FAM13A: variants seen among roughly 807,000 people sequenced by gnomAD.
FAM13A encodes the protein family with sequence similarity 13 member A.
Under a neutral mutation model 129.6 loss-of-function variants are expected in FAM13A, and 76 were observed. The observed-to-expected ratio is 0.59, with a 90% CI of 0.49 to 0.71. FAM13A has a LOEUF of 0.71. Ranked by LOEUF, FAM13A falls within the 30% of genes least tolerant of loss-of-function variation. The pLI is 0.00. For missense variants in FAM13A, 1,108 were observed against 1,249.3 expected (o/e 0.89, Z 1.70); for synonymous variants, 443 against 449.9 (o/e 0.98, Z 0.20).
intron 1 of FAM13A, among the ~76,000 whole-genome samples, chr4:89,036,519 G>A (rs984257987): frequency 6.6e-6 from 1 of 152,164 alleles, no homozygotes; most frequent in African/African-American, 2.4e-5. Context: ...TAGAAAATTT[G>A]CAGCCTGATC....
At chr4:89,019,019 G>C (rs1284227687) in intron 3 of FAM13A, among the ~76,000 whole-genome samples, 1 of 152,214 alleles carries the variant, frequency 6.6e-6, no homozygotes, top group Non-Finnish European at 1.5e-5. Context: ...AGGGGCTGCA[G>C]AGAAGTGAGA....
In FAM13A at chr4:88,991,137, A is replaced by G; in HGVS notation, c.441T>C (p.Asp147=). 6.2e-7 allele frequency: 1 copy of G among 1,610,004 alleles called. No individual in the cohort carries two copies. The highest frequency in any genetic ancestry group is 8.5e-7 in the Non-Finnish European group (1 of 1,178,264). ...AGTCTCTTAAGCTACTCTCCTGAAC[A>G]TCATTTCTGCCATCTGGAAAAAAAA... is the stretch of plus-strand genomic sequence containing the variant. ...FIQLFQDGRN[D]VQESSLRDLI... is the part of the protein sequence containing the mutation. The change falls in exon 4 of 24, where the codon GAT becomes GAC. Residue 147 remains aspartate, a synonymous_variant. Transcript: ENST00000264344.
At position 89,015,152 on chromosome 4, in the gene FAM13A, G is replaced by A. The variant is rs541511559; in HGVS notation, c.427+5308C>T. Among the ~76,000 whole-genome samples the A allele has an allele frequency of 3.9e-5, 6 of 152,244 alleles. No individual in the cohort carries two copies. In the South Asian group the frequency reaches 1.2e-3, roughly 32 times the overall value. ...AGGACGAGGAAATTTTGGTCAGACT[G>A]GTTGTCTGCTCTCAAACCCTGTCTC... On this transcript the variant is annotated intron_variant, in intron 3 of 23. Transcript: ENST00000264344.
intron 13 of FAM13A, among the ~76,000 whole-genome samples, chr4:88,764,578 A>C (rs1003782764): frequency 2.6e-5 from 4 of 152,174 alleles, no homozygotes; most frequent in Non-Finnish European, 5.9e-5. Flanking sequence ...GAATCTAGAA[A>C]TTGCTAGTTT....
chr4:88,937,943 A>G, intron 5 of FAM13A, 145 bp downstream of exon 5: 1 of 610,986 alleles, frequency 1.6e-6, no homozygotes, highest in Non-Finnish European at 2.8e-6. Flanking sequence ...CATTTGGAAT[A>G]ATAGATTTCA....
At chr4:88,837,961 A>G (rs563887314) in intron 7 of FAM13A, among the ~76,000 whole-genome samples, 196 of 152,010 alleles carry the variant, frequency 1.3e-3, no homozygotes, top group African/African-American at 4.1e-3. Context: ...AATATTTGGG[A>G]AAAAAAATGC....
In FAM13A at chr4:88,800,259, C is replaced by T. The variant is rs190280702; in HGVS notation, c.1049+4752G>A. Among the ~76,000 whole-genome samples the T allele has an allele frequency of 3.9e-3, 600 of 152,294 alleles. 6 individuals carry two copies. Among genetic ancestry groups the T allele is most frequent in the African/African-American group, 0.014 (569 of 41,556 alleles). ...ACAGTTGTATAACAATGAGAATGTACTTAATGCCACTGAACTGTACATTTA... is the reference window on the plus strand; with the variant it reads ...ACAGTTGTATAACAATGAGAATGTATTTAATGCCACTGAACTGTACATTTA... On this transcript the variant is annotated intron_variant, in intron 8 of 23. Coordinates refer to ENST00000264344, the MANE Select transcript of FAM13A (RefSeq NM_014883.4).
In FAM13A at chr4:88,767,977, A is replaced by G. The variant is rs997875932; in HGVS notation, c.1535+6T>C. ...AAAGAATATTAGGAGACAATTCTAA[A>G]ATTACCTTTCATCAGACATCCATTC... On this transcript the variant is annotated splice_donor_region_variant and intron_variant, in intron 12 of 23. Transcript: ENST00000264344. 1.3e-5 allele frequency: 21 copies of G among 1,566,250 alleles called. No individual in the cohort carries two copies. The highest frequency in any genetic ancestry group is 1.8e-5 in the Non-Finnish European group (20 of 1,136,860).
chr4:88,873,924 C>T (rs1465667158), intron 6 of FAM13A, among the ~76,000 whole-genome samples: 1 of 152,142 alleles, frequency 6.6e-6, no homozygotes, highest in Non-Finnish European at 1.5e-5. Flanking sequence ...AGCAGCACAT[C>T]AAAAAGCTTA....
rs189599219 is a variant in FAM13A, at chr4:88,762,328, C to T, written c.1579-3427G>A. Among the ~76,000 whole-genome samples, 37 of 152,318 alleles carry T rather than the reference C, an allele frequency of 2.4e-4. No individual in the cohort carries two copies. The East Asian group carries it at 7.1e-3, about 29-fold the overall frequency. The stretch of plus-strand genomic sequence containing the variant: ...TCAACTTACATGAGCTTCCATACTT[C>T]CTGGCTGATTTGTGGCACAGCAGTG... On this transcript the variant is annotated intron_variant, in intron 13 of 23. Coordinates refer to ENST00000264344, the MANE Select transcript of FAM13A (RefSeq NM_014883.4).
At chr4:88,878,272 A>AGTGAGACT (rs1742934717) in intron 6 of FAM13A, among the ~76,000 whole-genome samples, 1 of 119,292 alleles carries the variant, frequency 8.4e-6, no homozygotes, top group South Asian at 3.1e-4. Flanking sequence ...TGGGCGACAG[A>AGTGAGACT]GTGAGACTCC....
intron 3 of FAM13A, among the ~76,000 whole-genome samples, chr4:88,998,324 T>C (rs950774144): frequency 6.6e-6 from 1 of 152,208 alleles, no homozygotes; most frequent in Admixed American, 6.5e-5. Flanking sequence ...GAGAGATTGA[T>C]TAGCCTGTCC....
rs762974673 is a variant in FAM13A, at chr4:88,805,010, C to T, written c.1049+1G>A. The T allele has an allele frequency of 1.9e-6, 3 of 1,550,254 alleles. No individual in the cohort carries two copies. The highest frequency in any genetic ancestry group is 2.7e-6 in the Non-Finnish European group (3 of 1,125,144). ...TAGACCAACAAAAATCAAATAAATA[C>T]CTCAAATAGAAAGGTGACAGAGGTC... On this transcript the variant is annotated splice_donor_variant, in intron 8 of 23. Coordinates refer to ENST00000264344, the MANE Select transcript of FAM13A (RefSeq NM_014883.4). LOFTEE classifies it high-confidence loss of function.
At chr4:88,926,166 C>T (rs1197861794) in intron 5 of FAM13A, among the ~76,000 whole-genome samples, 10 of 151,976 alleles carry the variant, frequency 6.6e-5, no homozygotes, top group African/African-American at 1.7e-4. Flanking sequence ...TAATTCCAAT[C>T]GAGGAGTAAA....
intron 6 of FAM13A, among the ~76,000 whole-genome samples, chr4:88,885,050 C>A (rs1405441840): frequency 6.6e-6 from 1 of 152,010 alleles, no homozygotes; most frequent in Non-Finnish European, 1.5e-5. Context: ...TAGGTAGAAT[C>A]AATATTGTGA....
intron 7 of FAM13A, among the ~76,000 whole-genome samples, chr4:88,836,020 T>C (rs77716148): frequency 0.07 from 10,664 of 152,206 alleles, 531 homozygotes; most frequent in African/African-American, 0.14. Flanking sequence ...TTTTGCATTA[T>C]AAATTATACA....
intron 10 of FAM13A, among the ~76,000 whole-genome samples, chr4:88,786,251 C>G (rs888570444): frequency 2.6e-5 from 4 of 152,164 alleles, no homozygotes; most frequent in South Asian, 4.1e-4. Context: ...CTCCCCACCA[C>G]TTCCCACCTC....
intron 14 of FAM13A, among the ~76,000 whole-genome samples, chr4:88,753,068 T>A (rs1742961401): frequency 6.6e-6 from 1 of 152,242 alleles, no homozygotes; most frequent in South Asian, 2.1e-4. Flanking sequence ...TTTCTATTCA[T>A]AAAATCTTAG....
chr4:88,732,704 A>G (rs1404229680), intron 21 of FAM13A: 3 of 152,132 alleles, frequency 2.0e-5, no homozygotes, highest in African/African-American at 7.2e-5. Context: ...AGATTAGAAA[A>G]TATTTTATGG....
Sources: gnomAD v4.1 joint callset for allele counts (sites outside exome capture counted in the v4.1 genomes callset) on GRCh38, gnomAD v4.1.1 for gene constraint, MANE v1.5 for transcripts, NCBI Gene and HGNC (gene_info 2026-07-23, HGNC 2026-07-21) for gene names.